LRRC8B: variants seen among roughly 807,000 people sequenced by gnomAD.
The protein encoded by LRRC8B is leucine rich repeat containing 8 VRAC subunit B.
Under a neutral mutation model 58.8 loss-of-function variants are expected in LRRC8B, and 23 were observed. The ratio of observed to expected loss-of-function variants is 0.39; its 90% CI spans 0.28 to 0.55. The LOEUF is 0.55. Ranked by LOEUF, LRRC8B falls within the 20% of genes least tolerant of loss-of-function variation. The probability of loss-of-function intolerance (pLI) is 0.62; values close to 1 mark genes in which losing one functional copy is unlikely to be tolerated. For missense variants in LRRC8B, 694 were observed against 936.0 expected, an observed-to-expected ratio of 0.74 and a Z score of 3.37; for synonymous variants, 359 against 374.1, an observed-to-expected ratio of 0.96 and a Z score of 0.47.
At chr1:89,572,650 G>A (rs1402063581) in intron 3 of LRRC8B, 1 of 152,208 alleles carries the variant, frequency 6.6e-6, no homozygotes, top group Non-Finnish European at 1.5e-5. Flanking sequence ...ATAGGGAGTG[G>A]GTTTTGTTCT....
intron 1 of LRRC8B, among the ~76,000 whole-genome samples, chr1:89,556,258 G>T (rs1652180657): frequency 6.6e-6 from 1 of 152,126 alleles, no homozygotes; most frequent in African/African-American, 2.4e-5. Context: ...GGTGAGGTTG[G>T]AAAGAGCAGA....
intron 1 of LRRC8B, among the ~76,000 whole-genome samples, chr1:89,535,401 C>G (rs758212570): frequency 2.0e-5 from 3 of 152,038 alleles, no homozygotes; most frequent in Admixed American, 6.5e-5. Context: ...TGGACCCAGG[C>G]ATGGTGGCTG....
chr1:89,567,033 GT>G (rs1653093002), intron 1 of LRRC8B, among the ~76,000 whole-genome samples: 1 of 152,208 alleles, frequency 6.6e-6, no homozygotes, highest in Non-Finnish European at 1.5e-5. Flanking sequence ...TTTTGAAGGG[GT>G]AGATTAGCTA....
chr1:89,543,091 A>G (rs1255430680), intron 1 of LRRC8B, among the ~76,000 whole-genome samples: 1 of 152,250 alleles, frequency 6.6e-6, no homozygotes, highest in Non-Finnish European at 1.5e-5. Context: ...AAAAAATTAT[A>G]GCTGTCTCAG....
intron 1 of LRRC8B, among the ~76,000 whole-genome samples, chr1:89,542,282 A>G (rs972135083): frequency 1.1e-4 from 17 of 152,214 alleles, no homozygotes; most frequent in African/African-American, 4.1e-4. Context: ...TATGAGTTTC[A>G]GAGTCTTCAA....
chr1:89,571,253 T>C (rs1333379359), intron 3 of LRRC8B, among the ~76,000 whole-genome samples: 1 of 152,212 alleles, frequency 6.6e-6, no homozygotes, highest in East Asian at 1.9e-4. Flanking sequence ...GTGAAGAATT[T>C]CAATGGTAGT....
At chr1:89,592,095 A>C (rs1278422745) in intron 5 of LRRC8B, among the ~76,000 whole-genome samples, 1 of 152,226 alleles carries the variant, frequency 6.6e-6, no homozygotes, top group Non-Finnish European at 1.5e-5. Flanking sequence ...CAACGGGAGC[A>C]GCTTTAGGAG....
chr1:89,592,774 G>A lies in LRRC8B; in HGVS notation c.2143G>A (p.Glu715Lys). Residue 715 changes from glutamate (E) to lysine (K), a missense_variant, in exon 6 of 6, where the codon GAG (glutamate) becomes AAG (lysine). Glu to Lys is a moderately conservative substitution (Grantham distance 56, BLOSUM62 1). This residue lies in a region of LRRC8B where 139 missense variants were observed against 158.2 expected (regional missense o/e 0.88). Coordinates refer to ENST00000330947, the MANE Select transcript of LRRC8B (RefSeq NM_001369817.2). ...TTCTTTTTTCTTCCCTTTCCAGATT[G>A]AGATGCTACCAGATGGGCTGTTTCA... Reference protein sequence around the residue: ...QYFAVTNNNIEMLPDGLFQCK... With the variant: ...QYFAVTNNNIKMLPDGLFQCK... The A allele has an allele frequency of 1.2e-6, 2 of 1,605,030 alleles. No homozygotes were observed. The highest frequency in any genetic ancestry group is 1.7e-6 in the Non-Finnish European group (2 of 1,175,932).
intron 5 of LRRC8B, among the ~76,000 whole-genome samples, chr1:89,587,238 G>A (rs369680736): frequency 1.3e-5 from 2 of 152,316 alleles, no homozygotes; most frequent in African/African-American, 4.8e-5. Context: ...CATGTTTCAT[G>A]TGGGGATTTA....
chr1:89,593,220 C>CA lies in LRRC8B; in HGVS notation c.*184dup, dbSNP rs531925625. ...TGAAACCCCATCTCTGCTAAAACTACAAAAAAATTAGCCAGGCGTGGTGGC... is the reference window on the plus strand; with the variant it reads ...TGAAACCCCATCTCTGCTAAAACTACAAAAAAAATTAGCCAGGCGTGGTGGC... On this transcript the variant is annotated 3_prime_UTR_variant, in exon 6 of 6. Coordinates refer to ENST00000330947, the MANE Select transcript of LRRC8B (RefSeq NM_001369817.2). The CA allele has an allele frequency of 2.9e-4, 173 of 595,510 alleles. 1 individual carries two copies. The South Asian group carries it at 3.7e-3, about 13-fold the overall frequency. 36.9% of individuals were successfully genotyped at this position (595,510 alleles called of 1,614,324 possible).
intron 4 of LRRC8B, among the ~76,000 whole-genome samples, chr1:89,581,671 AT>A (rs1263579695): frequency 6.6e-6 from 1 of 152,224 alleles, no homozygotes; most frequent in Non-Finnish European, 1.5e-5. Flanking sequence ...GGCAAAAGTA[AT>A]TTAATAATGG....
intron 5 of LRRC8B, among the ~76,000 whole-genome samples, chr1:89,587,062 G>A (rs1256283869): frequency 2.6e-5 from 4 of 152,078 alleles, no homozygotes; most frequent in South Asian, 2.1e-4. Flanking sequence ...TAGGGCAAGC[G>A]GAGAAAACTA....
chr1:89,588,190 C>CTG (rs1417287215), intron 5 of LRRC8B: 1 of 152,072 alleles, frequency 6.6e-6, no homozygotes, highest in African/African-American at 2.4e-5. Context: ...TGGGAACGTG[C>CTG]TGGGCAGTCC....
At chr1:89,579,935 A>G (rs1654103181) in intron 4 of LRRC8B, among the ~76,000 whole-genome samples, 1 of 152,228 alleles carries the variant, frequency 6.6e-6, no homozygotes, top group Non-Finnish European at 1.5e-5. Context: ...ATCCATTACA[A>G]GAAATTCCTT....
intron 1 of LRRC8B, among the ~76,000 whole-genome samples, chr1:89,565,885 CTG>C (rs1226487308): frequency 6.6e-6 from 1 of 152,144 alleles, no homozygotes; most frequent in African/African-American, 2.4e-5. Context: ...TAGTGAAGCA[CTG>C]TATCGAAAAA....
At chr1:89,545,216 C>T (rs1275863619) in intron 1 of LRRC8B, among the ~76,000 whole-genome samples, 1 of 152,156 alleles carries the variant, frequency 6.6e-6, no homozygotes, top group Admixed American at 6.5e-5. Context: ...ATTTAGGATT[C>T]AAACCAATAG....
At chr1:89,545,325 A>G (rs930148446) in intron 1 of LRRC8B, among the ~76,000 whole-genome samples, 12 of 152,250 alleles carry the variant, frequency 7.9e-5, no homozygotes, top group Admixed American at 7.8e-4. Context: ...TCATCTTTAC[A>G]TAATAATCAC....
chr1:89,562,361 CAT>C (rs889188635), intron 1 of LRRC8B, among the ~76,000 whole-genome samples: 8 of 152,254 alleles, frequency 5.3e-5, no homozygotes, highest in South Asian at 2.1e-4. Flanking sequence ...ATTTTGTAAA[CAT>C]GTGGGAGCTT....
intron 5 of LRRC8B, among the ~76,000 whole-genome samples, chr1:89,587,095 C>T (rs1654677718): frequency 1.3e-5 from 2 of 152,172 alleles, no homozygotes; most frequent in African/African-American, 4.8e-5. Flanking sequence ...GAAGATTTCT[C>T]ATCTTTCCCA....
Sources: gnomAD v4.1 joint callset for allele counts (sites outside exome capture counted in the v4.1 genomes callset) on GRCh38, gnomAD v4.1.1 for gene constraint, gnomAD v4.1.1 regional missense constraint, MANE v1.5 for transcripts, NCBI Gene and HGNC (gene_info 2026-07-23, HGNC 2026-07-21) for gene names.